Variants in SPAG16 observed in about 807,000 individuals in gnomAD.
The protein encoded by SPAG16 is sperm associated antigen 16.
SPAG16 carries 86 observed loss-of-function variants against 80.4 expected under a neutral mutation model. That is an observed-to-expected ratio of 1.07 (90% CI 0.90 to 1.28). The LOEUF (loss-of-function observed/expected upper bound fraction) is 1.28. SPAG16 is among the 50% of genes most tolerant of loss of function. The probability of loss-of-function intolerance (pLI) is 0.00; values close to 1 mark genes in which losing one functional copy is unlikely to be tolerated. For missense variants in SPAG16, 870 were observed against 765.3 expected (o/e 1.14, Z -1.61); for synonymous variants, 294 against 265.9 (o/e 1.11, Z -1.03).
chr2:213,634,326 T>A (rs2125091894), intron 10 of SPAG16, among the ~76,000 whole-genome samples: 1 of 152,330 alleles, frequency 6.6e-6, no homozygotes, highest in East Asian at 1.9e-4. Context: ...TTTGTCTCCC[T>A]CACTTTTTAA....
chr2:214,137,908 C>G (rs1485113847), intron 14 of SPAG16, among the ~76,000 whole-genome samples: 2 of 151,994 alleles, frequency 1.3e-5, no homozygotes. Context: ...CATTAAAAAT[C>G]TATTCTAATT....
chr2:213,506,387 C>A (rs2074969930), intron 10 of SPAG16, among the ~76,000 whole-genome samples: 1 of 151,994 alleles, frequency 6.6e-6, no homozygotes. Flanking sequence ...TTCATAATGC[C>A]AGGATATAAT....
intron 15 of SPAG16, among the ~76,000 whole-genome samples, chr2:214,326,742 G>A (rs10168637): frequency 0.19 from 29,178 of 151,722 alleles, 2,972 homozygotes; most frequent in East Asian, 0.33. Flanking sequence ...TCAGGAGATC[G>A]AGGCCATCCT....
Position 214,403,033 on chromosome 2 carries a change from A to G in SPAG16, c.1721-7107A>G, listed in dbSNP as rs372918721. Among the ~76,000 whole-genome samples, 4 of 150,028 alleles carry G rather than the reference A, an allele frequency of 2.7e-5. No homozygotes were observed. In the South Asian group the frequency reaches 8.5e-4, roughly 32 times the overall value. The stretch of plus-strand genomic sequence containing the variant: ...GCTGAATCAAAGTGGAAGGGATGAC[A>G]TGGAGCCAATCCAAAAAAAAAAAAA... On this transcript the variant is annotated intron_variant, in intron 15 of 15. Coordinates refer to ENST00000331683, the MANE Select transcript of SPAG16 (RefSeq NM_024532.5).
At chr2:213,510,627 G>C (rs973870497) in intron 10 of SPAG16, among the ~76,000 whole-genome samples, 2 of 152,048 alleles carry the variant, frequency 1.3e-5, no homozygotes, top group African/African-American at 4.8e-5. Flanking sequence ...GTGGGTTTTC[G>C]CGTTACACTG....
chr2:213,654,634 A>G (rs185604552), intron 10 of SPAG16, among the ~76,000 whole-genome samples: 4 of 150,984 alleles, frequency 2.6e-5, no homozygotes, highest in Admixed American at 6.6e-5. Context: ...GGAGAATGGC[A>G]TGAACCCAGG....
chr2:214,392,492 C>T (rs1295473271), intron 15 of SPAG16, among the ~76,000 whole-genome samples: 3 of 152,080 alleles, frequency 2.0e-5, no homozygotes, highest in Admixed American at 2.0e-4. Context: ...TCCTCAAGAA[C>T]CCCCAGAAGG....
intron 11 of SPAG16, among the ~76,000 whole-genome samples, chr2:213,907,727 A>G (rs1342411441): frequency 6.6e-6 from 1 of 152,220 alleles, no homozygotes; most frequent in South Asian, 2.1e-4. Flanking sequence ...AGCAACATGT[A>G]TGAGCCTGGA....
chr2:214,288,314 C>A (rs1269210596), intron 15 of SPAG16, among the ~76,000 whole-genome samples: 1 of 152,052 alleles, frequency 6.6e-6, no homozygotes, highest in East Asian at 1.9e-4. Flanking sequence ...TTTAAAAAAT[C>A]CACTTATATA....
intron 10 of SPAG16, among the ~76,000 whole-genome samples, chr2:213,704,671 C>CT (rs1401360168): frequency 1.2e-4 from 7 of 56,896 alleles, no homozygotes; most frequent in African/African-American, 6.3e-4. Flanking sequence ...TTTTAAGCTA[C>CT]CTGTTCTCCA....
chr2:213,946,106 T>C (rs570157676), intron 12 of SPAG16, among the ~76,000 whole-genome samples: 2 of 152,206 alleles, frequency 1.3e-5, no homozygotes, highest in South Asian at 4.1e-4. Context: ...TTTTTATACG[T>C]AGATTGTTGG....
chr2:214,034,055 C>T (rs1207300607), intron 13 of SPAG16, among the ~76,000 whole-genome samples: 1 of 150,446 alleles, frequency 6.6e-6, no homozygotes, highest in Non-Finnish European at 1.5e-5. Flanking sequence ...ATGATATTGA[C>T]ATTTTGGAAA....
chr2:214,382,386 C>A (rs766893720), intron 15 of SPAG16, among the ~76,000 whole-genome samples: 5 of 152,168 alleles, frequency 3.3e-5, no homozygotes, highest in African/African-American at 4.8e-5. Context: ...CAAAATAGAA[C>A]CTACATTTTT....
At chr2:213,825,000 TTTC>T (rs1477305348) in intron 10 of SPAG16, among the ~76,000 whole-genome samples, 18 of 152,248 alleles carry the variant, frequency 1.2e-4, no homozygotes, top group African/African-American at 4.1e-4. Context: ...ATGAGATTAC[TTTC>T]TTGATTTTTT....
At chr2:213,579,698 T>G (rs2060240085) in intron 10 of SPAG16, among the ~76,000 whole-genome samples, 1 of 152,162 alleles carries the variant, frequency 6.6e-6, no homozygotes, top group African/African-American at 2.4e-5. Context: ...TTTACATTGA[T>G]TTGACTTAAA....
At chr2:213,804,312 G>A (rs2071604952) in intron 10 of SPAG16, among the ~76,000 whole-genome samples, 1 of 152,178 alleles carries the variant, frequency 6.6e-6, no homozygotes, top group Admixed American at 6.5e-5. Flanking sequence ...GAGGTAGGCA[G>A]AAGATTCTCT....
intron 15 of SPAG16, among the ~76,000 whole-genome samples, chr2:214,363,127 C>A (rs1699284007): frequency 6.6e-6 from 1 of 151,832 alleles, no homozygotes. Context: ...TACCACTTTT[C>A]CCAAGTTTTC....
chr2:213,471,486 C>T (rs1269726770), intron 9 of SPAG16, among the ~76,000 whole-genome samples: 2 of 152,148 alleles, frequency 1.3e-5, no homozygotes, highest in Admixed American at 1.3e-4. Flanking sequence ...CCACCAAAGC[C>T]CAGTAACAGA....
chr2:213,604,104 C>G, intron 10 of SPAG16, among the ~76,000 whole-genome samples: 1 of 152,042 alleles, frequency 6.6e-6, no homozygotes, highest in Non-Finnish European at 1.5e-5. Flanking sequence ...GTTGGCCAGG[C>G]TGGTCTTGAA....
Sources: gnomAD v4.1 joint callset for allele counts (sites outside exome capture counted in the v4.1 genomes callset) on GRCh38, gnomAD v4.1.1 for gene constraint, MANE v1.5 for transcripts, NCBI Gene and HGNC (gene_info 2026-07-23, HGNC 2026-07-21) for gene names.